The following ROBO1 variants were observed in gnomAD, a reference collection of about 807,000 sequenced individuals.
The protein encoded by ROBO1 is roundabout homolog 1.
Under a neutral mutation model 195.9 loss-of-function variants are expected in ROBO1, and 149 were observed. The observed-to-expected ratio is 0.76, with a 90% CI of 0.67 to 0.87. The LOEUF is 0.87. Ranked by LOEUF, ROBO1 falls within the 40% of genes least tolerant of loss-of-function variation. The pLI, the probability that ROBO1 is intolerant of heterozygous loss-of-function variation, is 0.00. For missense variants in ROBO1, 1,933 were observed against 2,068.3 expected, an observed-to-expected ratio of 0.93 and a Z score of 1.27; for synonymous variants, 816 against 733.2, an observed-to-expected ratio of 1.11 and a Z score of -1.82.
At chr3:79,305,003 G>C (rs1204069992) in intron 2 of ROBO1, among the ~76,000 whole-genome samples, 1 of 152,074 alleles carries the variant, frequency 6.6e-6, no homozygotes, top group Non-Finnish European at 1.5e-5. Flanking sequence ...CCTCATCTTA[G>C]TCAATACGTG....
chr3:78,734,294 A>T (rs2082344578), intron 5 of ROBO1, among the ~76,000 whole-genome samples: 1 of 151,930 alleles, frequency 6.6e-6, no homozygotes, highest in African/African-American at 2.4e-5. Flanking sequence ...TAACTTTTGG[A>T]AAAGTATGCA....
chr3:78,938,399 T>C (rs1308507288), intron 4 of ROBO1: 1 of 531,272 alleles, frequency 1.9e-6, no homozygotes, highest in Admixed American at 3.4e-5. Flanking sequence ...ACCAACTGTG[T>C]GTAAATACCA....
intron 2 of ROBO1, among the ~76,000 whole-genome samples, chr3:79,331,674 A>G (rs2034443872): frequency 6.6e-6 from 1 of 152,152 alleles, no homozygotes; most frequent in Non-Finnish European, 1.5e-5. Context: ...AGTGTGTCAA[A>G]TAACGGAGGT....
intron 2 of ROBO1, among the ~76,000 whole-genome samples, chr3:79,351,300 G>A (rs2035332694): frequency 6.6e-6 from 1 of 152,106 alleles, no homozygotes; most frequent in African/African-American, 2.4e-5. Flanking sequence ...GCATAAAGTA[G>A]TTTAGGCAGC....
At chr3:79,585,627 A>C (rs558542163) in intron 2 of ROBO1, among the ~76,000 whole-genome samples, 1 of 152,116 alleles carries the variant, frequency 6.6e-6, no homozygotes, top group South Asian at 2.1e-4. Context: ...GTCCTCAGAG[A>C]ATAAACATTC....
chr3:79,715,063 CA>C (rs1213054877), intron 1 of ROBO1, among the ~76,000 whole-genome samples: 1 of 151,866 alleles, frequency 6.6e-6, no homozygotes, highest in Non-Finnish European at 1.5e-5. Flanking sequence ...TCTCATGATA[CA>C]ATATTAGCAG....
chr3:79,764,822 A>G (rs1045565224), intron 1 of ROBO1, among the ~76,000 whole-genome samples: 1 of 152,244 alleles, frequency 6.6e-6, no homozygotes, highest in Non-Finnish European at 1.5e-5. Flanking sequence ...AAAATTATAC[A>G]GAACAATGCA....
At chr3:79,473,435 A>G (rs747681762) in intron 2 of ROBO1, among the ~76,000 whole-genome samples, 6 of 152,078 alleles carry the variant, frequency 3.9e-5, no homozygotes, top group African/African-American at 7.2e-5. Context: ...CTAGCAAATC[A>G]TATTTGTTTT....
At chr3:79,115,435 G>A (rs2079976362) in intron 3 of ROBO1, among the ~76,000 whole-genome samples, 1 of 152,028 alleles carries the variant, frequency 6.6e-6, no homozygotes, top group Admixed American at 6.6e-5. Flanking sequence ...ATTTAGCACG[G>A]TAAACAATCA....
chr3:78,977,926 A>G (rs191309264), intron 3 of ROBO1, among the ~76,000 whole-genome samples: 22 of 152,292 alleles, frequency 1.4e-4, no homozygotes, highest in Admixed American at 1.3e-3. Flanking sequence ...GAATTTAAAA[A>G]TAATTATAAT....
intron 4 of ROBO1, among the ~76,000 whole-genome samples, chr3:78,849,831 TACAC>T (rs576994363): frequency 0.067 from 5,313 of 79,636 alleles, 161 homozygotes; most frequent in Non-Finnish European, 0.12. Flanking sequence ...TCTCTCCCAT[TACAC>T]ACACACACAC....
chr3:78,896,655 T>C (rs1220119514), intron 4 of ROBO1, among the ~76,000 whole-genome samples: 3 of 24,924 alleles, frequency 1.2e-4, no homozygotes, highest in African/African-American at 7.5e-4. Flanking sequence ...GCCTTGTTGC[T>C]CACAAAAAAA....
At position 79,153,595 on chromosome 3, in the gene ROBO1, T is replaced by C. The variant is rs113325033; in HGVS notation, c.89-28056A>G. ...GTTAACACGGTGGTCTAAAAGCTTA[T>C]TACAGAAAATAGCAAAAGAAATAAT... On this transcript the variant is annotated intron_variant, in intron 2 of 30. Transcript: ENST00000464233. Among the ~76,000 whole-genome samples, 338 of 151,538 alleles carry C rather than the reference T, an allele frequency of 2.2e-3. 2 individuals are homozygous for C. Among genetic ancestry groups the C allele is most frequent in the African/African-American group, 7.7e-3 (319 of 41,450 alleles).
At chr3:79,099,919 T>C (rs184864723) in intron 3 of ROBO1, among the ~76,000 whole-genome samples, 1 of 151,868 alleles carries the variant, frequency 6.6e-6, no homozygotes, top group Non-Finnish European at 1.5e-5. Context: ...GGCCAGGGAA[T>C]GAATTGGAAG....
chr3:78,635,376 C>T (rs939685722), intron 23 of ROBO1, among the ~76,000 whole-genome samples: 2 of 152,078 alleles, frequency 1.3e-5, no homozygotes, highest in African/African-American at 4.8e-5. Context: ...TATAAAAATG[C>T]CATTGGTTTA....
chr3:78,970,961 G>A (rs1295121883), intron 3 of ROBO1, among the ~76,000 whole-genome samples: 1 of 150,660 alleles, frequency 6.6e-6, no homozygotes, highest in Non-Finnish European at 1.5e-5. Context: ...ATCCTCATAT[G>A]TGGCAACAAC....
chr3:78,677,363 A>G (rs1226053509), intron 10 of ROBO1, among the ~76,000 whole-genome samples: 1 of 152,196 alleles, frequency 6.6e-6, no homozygotes, highest in African/African-American at 2.4e-5. Flanking sequence ...GCTCCAATTA[A>G]AAGACACAGA....
chr3:78,929,723 C>G (rs962853942), intron 4 of ROBO1, among the ~76,000 whole-genome samples: 2 of 151,872 alleles, frequency 1.3e-5, no homozygotes, highest in Non-Finnish European at 2.9e-5. Context: ...AGGCTGGTCT[C>G]AAACTCCTGA....
At chr3:79,503,917 C>T (rs547619348) in intron 2 of ROBO1, among the ~76,000 whole-genome samples, 1 of 152,212 alleles carries the variant, frequency 6.6e-6, no homozygotes, top group Non-Finnish European at 1.5e-5. Flanking sequence ...GTTTCATATT[C>T]TTATTATCTA....
Sources: gnomAD v4.1 joint callset for allele counts (sites outside exome capture counted in the v4.1 genomes callset) on GRCh38, gnomAD v4.1.1 for gene constraint, MANE v1.5 for transcripts, NCBI Gene and HGNC (gene_info 2026-07-23, HGNC 2026-07-21) for gene names.